COL22A1: variants seen among roughly 807,000 people sequenced by gnomAD.
The protein encoded by COL22A1 is collagen type XXII alpha 1 chain.
COL22A1 carries 221 observed loss-of-function variants against 248.9 expected under a neutral mutation model. That is an observed-to-expected ratio of 0.89 (90% confidence interval 0.80 to 0.99). The LOEUF (loss-of-function observed/expected upper bound fraction) is 0.99. Ranked by LOEUF, COL22A1 falls within the 50% of genes least tolerant of loss-of-function variation. The probability of loss-of-function intolerance (pLI) is 0.00; values close to 1 mark genes in which losing one functional copy is unlikely to be tolerated. For missense variants in COL22A1, 2,240 were observed against 2,179.0 expected, an observed-to-expected ratio of 1.03 and a Z score of -0.56; for synonymous variants, 891 against 793.4, an observed-to-expected ratio of 1.12 and a Z score of -2.07.
intron 54 of COL22A1, among the ~76,000 whole-genome samples, chr8:138,616,614 G>A (rs1336624897): frequency 6.6e-6 from 1 of 152,156 alleles, no homozygotes; most frequent in African/African-American, 2.4e-5. Context: ...GAACCTAATA[G>A]CAACAACCAC....
chr8:138,864,125 C>T (rs1379377278), intron 3 of COL22A1, among the ~76,000 whole-genome samples: 1 of 152,092 alleles, frequency 6.6e-6, no homozygotes, highest in African/African-American at 2.4e-5. Flanking sequence ...CCCATTTGGA[C>T]CCCATGCTCA....
At chr8:138,638,552 C>A (rs548234943) in intron 47 of COL22A1, among the ~76,000 whole-genome samples, 5 of 152,102 alleles carry the variant, frequency 3.3e-5, no homozygotes, top group Non-Finnish European at 7.3e-5. Flanking sequence ...ATCTAATAAT[C>A]CCCCCTCTCT....
At chr8:138,857,619 G>A (rs992667121) in intron 3 of COL22A1, among the ~76,000 whole-genome samples, 1 of 152,208 alleles carries the variant, frequency 6.6e-6, no homozygotes, top group African/African-American at 2.4e-5. Context: ...AGGAGGGGCT[G>A]GAGAGGAACA....
chr8:138,887,875 G>T (rs1185920106), intron 1 of COL22A1, among the ~76,000 whole-genome samples: 2 of 152,148 alleles, frequency 1.3e-5, no homozygotes, highest in Non-Finnish European at 2.9e-5. Flanking sequence ...GGGTGCTCCT[G>T]TCACCACCTA....
In COL22A1 at chr8:138,684,424, C is replaced by A. The variant is rs1256161277; in HGVS notation, c.3012+1G>T. On this transcript the variant is annotated splice_donor_variant, in intron 39 of 64. Transcript: ENST00000303045. LOFTEE classifies it high-confidence loss of function. The stretch of plus-strand genomic sequence containing the variant: ...CACAGTTTTCTTGGACAAGCACTCA[C>A]CTTGGTTCCTAGGGGTCCAGGGAGT... 4 of 1,607,752 alleles carry A rather than the reference C, an allele frequency of 2.5e-6. No homozygotes were observed. In the South Asian group the frequency reaches 4.4e-5, roughly 18 times the overall value.
intron 55 of COL22A1, 25 bp from the exon 56 acceptor site, chr8:138,613,945 GTCA>G (rs1243286086): frequency 1.9e-6 from 3 of 1,578,612 alleles, no homozygotes; most frequent in Middle Eastern, 1.7e-4. Context: ...GAGAGATGGT[GTCA>G]TCATCAAGTC....
chr8:138,676,454 A>AAAGGAAGAAAGAAAGG, intron 41 of COL22A1, 104 bp downstream of exon 41: 1 of 408,508 alleles, frequency 2.4e-6, no homozygotes, highest in South Asian at 3.7e-5. Context: ...AGAAAGAAAG[A>AAAGGAAGAAAGAAAGG]AAGGAAGAAA....
intron 39 of COL22A1, among the ~76,000 whole-genome samples, chr8:138,682,153 G>C (rs2130837878): frequency 6.6e-6 from 1 of 152,204 alleles, no homozygotes; most frequent in East Asian, 1.9e-4. Context: ...AATAAAAAGG[G>C]GAAAAAACAT....
intron 1 of COL22A1, among the ~76,000 whole-genome samples, chr8:138,912,273 C>T (rs1248373179): frequency 6.6e-6 from 1 of 152,206 alleles, no homozygotes; most frequent in Non-Finnish European, 1.5e-5. Context: ...GGGCAGCGTA[C>T]CCCATGCAGC....
intron 1 of COL22A1, among the ~76,000 whole-genome samples, chr8:138,887,815 C>A (rs2132094357): frequency 6.6e-6 from 1 of 152,308 alleles, no homozygotes. Context: ...AAATTGCTTT[C>A]TGAAAATATT....
rs1823801459 is a variant in COL22A1 at position 138,877,372 on chromosome 8, C to A, written c.658+378G>T. Among the ~76,000 whole-genome samples, 3 of 152,332 alleles carry A rather than the reference C, an allele frequency of 2.0e-5. No individual in the cohort carries two copies. The South Asian group carries it at 6.2e-4, about 32-fold the overall frequency. ...CTTTGCATGCACAGTTTCTAGCTTT[C>A]ACAGCTCTGGGCAGTAAGTAGAGGA... On this transcript the variant is annotated intron_variant, in intron 3 of 64. Coordinates refer to ENST00000303045, the MANE Select transcript of COL22A1 (RefSeq NM_152888.3).
intron 22 of COL22A1, among the ~76,000 whole-genome samples, chr8:138,746,226 C>T (rs944720774): frequency 3.3e-5 from 5 of 152,196 alleles, no homozygotes; most frequent in African/African-American, 1.2e-4. Flanking sequence ...TAGTGTCTGT[C>T]TCTCCATGCC....
intron 1 of COL22A1, among the ~76,000 whole-genome samples, chr8:138,898,645 A>C (rs1814305463): frequency 6.6e-6 from 1 of 152,178 alleles, no homozygotes; most frequent in Non-Finnish European, 1.5e-5. Context: ...ATAGGTCCCC[A>C]AGAGTAAAAG....
intron 3 of COL22A1, among the ~76,000 whole-genome samples, chr8:138,870,964 C>G (rs1439117916): frequency 6.6e-6 from 1 of 151,522 alleles, no homozygotes; most frequent in African/African-American, 2.4e-5. Flanking sequence ...GTGTGTGCAC[C>G]CTGAGTTTAC....
chr8:138,596,850 G>T, intron 62 of COL22A1, 54 bp downstream of exon 62: 2 of 1,532,560 alleles, frequency 1.3e-6, no homozygotes, highest in South Asian at 1.1e-5. Context: ...CTGAGTGAGA[G>T]AACTGCTTCC....
chr8:138,877,993 C>G lies in COL22A1; in HGVS notation c.415G>C (p.Asp139His), dbSNP rs1048137041. Residue 139 changes from aspartate (D) to histidine (H), a missense_variant, in exon 3 of 65, where the codon GAC becomes CAC. Coordinates refer to ENST00000303045, the MANE Select transcript of COL22A1 (RefSeq NM_152888.3). ...FSPHAGGRPR[D>H]RAYKQVAILL... ...ATGGCCACCTGCTTGTAGGCGCGGT[C>G]CCTGGGGCGGCCGCCGGCGTGTGGG... The G allele has an allele frequency of 1.1e-5, 17 of 1,586,058 alleles. No individual in the cohort carries two copies. Among genetic ancestry groups the G allele is most frequent in the Non-Finnish European group, 1.5e-5 (17 of 1,166,536 alleles).
At chr8:138,687,691 C>A (rs1327287852) in intron 37 of COL22A1, among the ~76,000 whole-genome samples, 1 of 152,234 alleles carries the variant, frequency 6.6e-6, no homozygotes, top group African/African-American at 2.4e-5. Flanking sequence ...CTCAGCTAAT[C>A]CTCACAACCT....
intron 22 of COL22A1, 33 bp from the exon 23 acceptor site, chr8:138,737,610 G>C (rs1188304428): frequency 6.8e-7 from 1 of 1,479,338 alleles, no homozygotes; most frequent in Admixed American, 1.7e-5. Context: ...AAATTAACAA[G>C]CAGGCAATTG....
intron 7 of COL22A1, among the ~76,000 whole-genome samples, chr8:138,816,247 T>A (rs1291512749): frequency 2.0e-5 from 3 of 151,990 alleles, no homozygotes; most frequent in Admixed American, 2.0e-4. Flanking sequence ...TCAGGTGGGG[T>A]GAGAGGTCCT....
Sources: gnomAD v4.1 joint callset for allele counts (sites outside exome capture counted in the v4.1 genomes callset) on GRCh38, gnomAD v4.1.1 for gene constraint, MANE v1.5 for transcripts, NCBI Gene and HGNC (gene_info 2026-07-23, HGNC 2026-07-21) for gene names.